Variants in STK10 observed in about 807,000 individuals in gnomAD.
The protein encoded by STK10 is serine/threonine kinase 10, also known as serine/threonine-protein kinase 10.
In STK10, 78 loss-of-function variants were observed where a neutral mutation model predicts 113.8. The observed-to-expected ratio is 0.69, with a 90% CI of 0.57 to 0.83. The LOEUF is 0.83. Among genes scored for constraint, STK10 ranks in the 40% least tolerant of loss-of-function variants. The pLI, the probability that STK10 is intolerant of heterozygous loss-of-function variation, is 0.00. For missense variants in STK10, 1,109 were observed against 1,280.1 expected, an observed-to-expected ratio of 0.87 and a Z score of 2.04; for synonymous variants, 465 against 494.7, an observed-to-expected ratio of 0.94 and a Z score of 0.80.
At chr5:172,156,825 C>G (rs1770356602) in intron 1 of STK10, 37 bp from the exon 2 acceptor site, 1 of 1,592,312 alleles carries the variant, frequency 6.3e-7, no homozygotes, top group Non-Finnish European at 8.6e-7. Context: ...ACAAGGCATG[C>G]TCCGCAGGAA....
intron 8 of STK10, among the ~76,000 whole-genome samples, chr5:172,095,824 C>T (rs1234543518): frequency 1.3e-5 from 2 of 152,228 alleles, no homozygotes; most frequent in Non-Finnish European, 2.9e-5. Flanking sequence ...TGGGAAGAGG[C>T]CTCCCCAAGT....
chr5:172,150,287 T>C (rs1247294087), intron 2 of STK10, among the ~76,000 whole-genome samples: 1 of 150,564 alleles, frequency 6.6e-6, no homozygotes, highest in Non-Finnish European at 1.5e-5. Context: ...TCAAGAACAG[T>C]CTGGCCAACA....
chr5:172,060,759 C>A (rs1389202080), intron 14 of STK10, among the ~76,000 whole-genome samples: 1 of 152,226 alleles, frequency 6.6e-6, no homozygotes, highest in Non-Finnish European at 1.5e-5. Flanking sequence ...GGCCCTGCCT[C>A]ACAGTGTTAG....
chr5:172,054,067 T>C (rs1767691936), intron 17 of STK10, among the ~76,000 whole-genome samples: 1 of 152,176 alleles, frequency 6.6e-6, no homozygotes, highest in African/African-American at 2.4e-5. Flanking sequence ...GCCTGAGCAG[T>C]TCCTGAGGTT....
At chr5:172,112,881 G>A (rs1043266765) in intron 4 of STK10, among the ~76,000 whole-genome samples, 6 of 151,982 alleles carry the variant, frequency 3.9e-5, no homozygotes, top group Non-Finnish European at 7.4e-5. Flanking sequence ...CAAGCAGCTG[G>A]GATTACAGGC....
At chr5:172,160,660 G>A (rs1347634646) in intron 1 of STK10, among the ~76,000 whole-genome samples, 2 of 152,072 alleles carry the variant, frequency 1.3e-5, no homozygotes, top group Non-Finnish European at 2.9e-5. Flanking sequence ...TAACAACTCT[G>A]GAACCTGACT....
rs1216455995 is a variant in STK10, at chr5:172,105,748, A to G, written c.789-11T>C. 7 of 1,613,338 alleles carry G rather than the reference A, an allele frequency of 4.3e-6. No individual in the cohort carries two copies. Among genetic ancestry groups the G allele is most frequent in the Middle Eastern group, 1.6e-4 (1 of 6,082 alleles). ...CGGAACTCTACAGACCTGGGAGGAC[A>G]GGCGTCAGAGGTAAGCATGGAGGAG... On this transcript the variant is annotated splice_polypyrimidine_tract_variant and intron_variant, in intron 6 of 18. Transcript: ENST00000176763.
intron 12 of STK10, among the ~76,000 whole-genome samples, chr5:172,068,029 G>A (rs974207892): frequency 3.9e-5 from 6 of 152,186 alleles, no homozygotes; most frequent in Non-Finnish European, 5.9e-5. Context: ...AAAAGCCACC[G>A]GAGTATCATC....
rs1411662392 is a variant in STK10 at position 172,117,610 on chromosome 5, C to T, written c.391G>A (p.Glu131Lys). The T allele has an allele frequency of 6.2e-7, 1 of 1,614,046 alleles. No individual in the cohort carries two copies. The highest frequency in any genetic ancestry group is 1.3e-5 in the African/African-American group (1 of 75,020). The change falls in exon 4 of 19, where the codon GAG becomes AAG. Residue 131 changes from glutamate (E) to lysine (K), a missense_variant. Around this residue, in one of 5 missense-constraint regions of STK10, gnomAD observed 120 missense variants for 134.8 expected, o/e 0.89. Coordinates refer to ENST00000176763, the MANE Select transcript of STK10 (RefSeq NM_005990.4). ...IMLELDRGLTEPQIQVVCRQM... is the reference protein window; with the variant it reads ...IMLELDRGLTKPQIQVVCRQM... ...CGGCAAACCACCTGTATCTGGGGCTCCGTGAGGCCTCTGTCCAGCTCTGGA... is the reference window on the plus strand; with the variant it reads ...CGGCAAACCACCTGTATCTGGGGCTTCGTGAGGCCTCTGTCCAGCTCTGGA...
chr5:172,087,717 C>T (rs1309572956), intron 10 of STK10, among the ~76,000 whole-genome samples: 1 of 136,876 alleles, frequency 7.3e-6, no homozygotes, highest in Non-Finnish European at 1.6e-5. Context: ...CAAGCTCCGC[C>T]TCCCGGGTTC....
intron 10 of STK10, among the ~76,000 whole-genome samples, chr5:172,084,168 G>A (rs941729330): frequency 8.6e-5 from 13 of 152,012 alleles, no homozygotes; most frequent in Admixed American, 3.3e-4. Context: ...TTGGGAGGCC[G>A]AGGAGGGTGG....
intron 7 of STK10, among the ~76,000 whole-genome samples, chr5:172,097,860 C>T (rs527681337): frequency 1.3e-5 from 2 of 152,216 alleles, no homozygotes; most frequent in Non-Finnish European, 2.9e-5. Context: ...TGTTCTTTTA[C>T]GGACCTTGCA....
chr5:172,106,150 C>T (rs894357792), intron 6 of STK10, among the ~76,000 whole-genome samples: 1 of 152,046 alleles, frequency 6.6e-6, no homozygotes, highest in African/African-American at 2.4e-5. Context: ...GTAGCTCACG[C>T]CTGTAATTCC....
intron 10 of STK10, 123 bp downstream of exon 10, chr5:172,090,109 T>A: frequency 7.1e-7 from 1 of 1,416,850 alleles, no homozygotes; most frequent in Non-Finnish European, 9.5e-7. Flanking sequence ...AGTTTCCTTT[T>A]GCCTCCTTGA....
intron 7 of STK10, among the ~76,000 whole-genome samples, chr5:172,100,774 G>A (rs560488563): frequency 5.9e-5 from 9 of 152,054 alleles, no homozygotes; most frequent in Admixed American, 2.6e-4. Context: ...GCAACACGAC[G>A]AGACTCCATT....
In STK10 at chr5:172,087,107, A is replaced by AGTGTGTGTGTGTGTGTGTGT. The variant is rs201052929; in HGVS notation, c.1685+3105_1685+3124dup. 9.9e-3 allele frequency among the ~76,000 whole-genome samples: 1,273 copies of AGTGTGTGTGTGTGTGTGTGT among 128,902 alleles called. 13 individuals are homozygous for AGTGTGTGTGTGTGTGTGTGT. Among genetic ancestry groups the AGTGTGTGTGTGTGTGTGTGT allele is most frequent in the Non-Finnish European group, 0.012 (728 of 60,614 alleles). 84.6% of individuals were successfully genotyped at this position (128,902 alleles called of 152,430 possible). A position where few individuals can be genotyped will look rare whatever the true frequency, so the allele number is the denominator to read the frequency against. ...CCTCCCGACCCACACAGATGACACC[A>AGTGTGTGTGTGTGTGTGTGT]GTGTGTGTGTGTGTGTGTGTGTGTG... On this transcript the variant is annotated intron_variant, in intron 10 of 18. Coordinates refer to ENST00000176763, the MANE Select transcript of STK10 (RefSeq NM_005990.4).
chr5:172,174,192 A>G (rs796472326), intron 1 of STK10, among the ~76,000 whole-genome samples: 1 of 151,624 alleles, frequency 6.6e-6, no homozygotes, highest in Non-Finnish European at 1.5e-5. Flanking sequence ...TTTTTTTGAG[A>G]CGGCGTTTCA....
At chr5:172,148,856 C>G (rs1355764289) in intron 2 of STK10, among the ~76,000 whole-genome samples, 5 of 152,244 alleles carry the variant, frequency 3.3e-5, no homozygotes, top group Non-Finnish European at 2.9e-5. Context: ...CCGTTCTAAC[C>G]CTTGGTCTTC....
At chr5:172,117,755 C>A (rs1297788541) in intron 3 of STK10, 125 bp from the exon 4 acceptor site, 2 of 1,336,648 alleles carry the variant, frequency 1.5e-6, no homozygotes, top group Non-Finnish European at 2.0e-6. Context: ...TGGCTCACGC[C>A]TGTAATCCCA....
Sources: gnomAD v4.1 joint callset for allele counts (sites outside exome capture counted in the v4.1 genomes callset) on GRCh38, gnomAD v4.1.1 for gene constraint, gnomAD v4.1.1 regional missense constraint, MANE v1.5 for transcripts, NCBI Gene and HGNC (gene_info 2026-07-23, HGNC 2026-07-21) for gene names.